RNF212: variants seen among roughly 807,000 people sequenced by gnomAD.
The protein encoded by RNF212 is probable E3 SUMO-protein ligase RNF212.
RNF212 carries 33 observed loss-of-function variants against 34.7 expected under a neutral mutation model. The ratio of observed to expected loss-of-function variants is 0.95; its 90% CI spans 0.72 to 1.27. The LOEUF (loss-of-function observed/expected upper bound fraction) is 1.27, where lower values mean the gene tolerates loss of function less well. Among genes scored for constraint, RNF212 ranks in the 50% most tolerant of loss-of-function variants. The probability of loss-of-function intolerance (pLI) is 0.00; values close to 1 mark genes in which losing one functional copy is unlikely to be tolerated. For missense variants in RNF212, 377 were observed against 362.2 expected, an observed-to-expected ratio of 1.04 and a Z score of -0.33; for synonymous variants, 140 against 136.1, an observed-to-expected ratio of 1.03 and a Z score of -0.20.
intron 8 of RNF212, among the ~76,000 whole-genome samples, chr4:1,079,043 T>C (rs111240158): frequency 0.017 from 567 of 32,850 alleles, no homozygotes; most frequent in Middle Eastern, 0.023. Context: ...GGGACCAACA[T>C]AGAGTCAACA....
chr4:1,059,443 G>T (rs1314262709), intron 3 of RNF212, among the ~76,000 whole-genome samples: 2 of 152,220 alleles, frequency 1.3e-5, no homozygotes, highest in Non-Finnish European at 2.9e-5. Context: ...GCCCTCCTAG[G>T]GACAGCCAGT....
chr4:1,096,517 C>T, intron 3 of RNF212: 1 of 437,812 alleles, frequency 2.3e-6, no homozygotes, highest in Non-Finnish European at 4.1e-6. Context: ...AGCACACCCC[C>T]CACAGCTCCA....
chr4:1,093,618 G>GCTGGGTCTTCTCTC, intron 3 of RNF212: 2 of 1,535,896 alleles, frequency 1.3e-6, no homozygotes. Flanking sequence ...GGCCGGGTCT[G>GCTGGGTCTTCTCTC]CTGGGTCTTC....
At chr4:1,080,410 T>G (rs573589394) in intron 7 of RNF212, among the ~76,000 whole-genome samples, 1 of 152,284 alleles carries the variant, frequency 6.6e-6, no homozygotes, top group South Asian at 2.1e-4. Flanking sequence ...TTTCCAGTTC[T>G]CCACCCGCTC....
At chr4:1,074,004 C>A (rs368602483) in intron 8 of RNF212, among the ~76,000 whole-genome samples, 1 of 152,180 alleles carries the variant, frequency 6.6e-6, no homozygotes, top group African/African-American at 2.4e-5. Context: ...CTGAGTAAAT[C>A]ATTCTTGGGT....
rs1718628828 is a variant in RNF212 at position 1,072,635 on chromosome 4, G to A, written c.*239C>T. The A allele has an allele frequency of 9.2e-7, 1 of 1,086,228 alleles. No homozygotes were observed. Among genetic ancestry groups the A allele is most frequent in the Non-Finnish European group, 1.2e-6 (1 of 869,030 alleles). The allele number at this position is 1,086,228 out of a possible 1,614,324, so 67.3% of individuals were successfully genotyped here. A position where few individuals can be genotyped will look rare whatever the true frequency, so the allele number is the denominator to read the frequency against. ...AGTATGTGAAAAAAAAACTCCCTAA[G>A]CATGAGAACCTATAAAATAAAAGGG... is the stretch of plus-strand genomic sequence containing the variant. On this transcript the variant is annotated 3_prime_UTR_variant, in exon 10 of 10. Coordinates refer to ENST00000433731, the MANE Select transcript of RNF212 (RefSeq NM_001131034.4).
intron 2 of RNF212, among the ~76,000 whole-genome samples, chr4:1,103,574 A>G (rs919974647): frequency 6.6e-6 from 1 of 152,146 alleles, no homozygotes; most frequent in Non-Finnish European, 1.5e-5. Context: ...TGTTCCTAGA[A>G]TCTAACGTGG....
chr4:1,067,577 A>G (rs1718170068), downstream of RNF212, among the ~76,000 whole-genome samples: 1 of 152,216 alleles, frequency 6.6e-6, no homozygotes. Flanking sequence ...ATAATGAAAT[A>G]CCTAGGGCCG....
intron 2 of RNF212, among the ~76,000 whole-genome samples, chr4:1,097,256 G>A (rs1047627364): frequency 6.6e-6 from 1 of 152,146 alleles, no homozygotes; most frequent in Admixed American, 6.6e-5. Context: ...AGTACATGTC[G>A]AGTTATTTAA....
At chr4:1,098,125 G>C (rs1428511947) in intron 2 of RNF212, among the ~76,000 whole-genome samples, 1 of 152,084 alleles carries the variant, frequency 6.6e-6, no homozygotes, top group Non-Finnish European at 1.5e-5. Context: ...ACACCAGAAT[G>C]ACAAGATGTA....
chr4:1,057,734 A>T (rs1717429318), intron 4 of RNF212, among the ~76,000 whole-genome samples: 2 of 151,662 alleles, frequency 1.3e-5, no homozygotes, highest in African/African-American at 4.8e-5. Context: ...GTTTTTAGCA[A>T]CAGGGCAAAT....
At chr4:1,056,802 A>G (rs941281648) in intron 4 of RNF212, 29 of 982,064 alleles carry the variant, frequency 3.0e-5, no homozygotes, top group Non-Finnish European at 3.5e-5. Context: ...CACTTTCCCA[A>G]GAGCATTTTC....
At chr4:1,079,305 C>G (rs971318352) in intron 8 of RNF212, among the ~76,000 whole-genome samples, 1 of 152,218 alleles carries the variant, frequency 6.6e-6, no homozygotes, top group Non-Finnish European at 1.5e-5. Flanking sequence ...ATGGGACCAA[C>G]ATAGATTCAA....
intron 8 of RNF212, among the ~76,000 whole-genome samples, chr4:1,077,473 T>G (rs1263479145): frequency 6.6e-6 from 1 of 152,172 alleles, no homozygotes; most frequent in African/African-American, 2.4e-5. Context: ...GCTCAAGTGA[T>G]CCACCTGCCT....
chr4:1,069,432 A>G (rs764974133), downstream of RNF212, among the ~76,000 whole-genome samples: 9 of 152,218 alleles, frequency 5.9e-5, no homozygotes, highest in Non-Finnish European at 7.3e-5. Flanking sequence ...CATTTGGACT[A>G]TCTCTCCACA....
intron 1 of RNF212, among the ~76,000 whole-genome samples, chr4:1,110,830 T>C (rs1725544798): frequency 6.6e-6 from 1 of 152,134 alleles, no homozygotes; most frequent in Admixed American, 6.5e-5. Flanking sequence ...GTCTTTGGAT[T>C]TGGTGTGGTC....
intron 3 of RNF212, 37 bp from the exon 4 acceptor site, chr4:1,090,875 C>A (rs1303729816): frequency 1.5e-6 from 2 of 1,368,204 alleles, no homozygotes; most frequent in Admixed American, 3.4e-5. Context: ...TGACACAGAT[C>A]CACGGTCTCT....
Position 1,073,639 on chromosome 4 carries a change from C to T in RNF212, c.534G>A (p.Ala178=), listed in dbSNP as rs141381105. Residue 178 remains alanine (A), a synonymous_variant, in exon 9 of 10, where the codon GCG becomes GCA. Transcript: ENST00000433731. ...GAGGTGGACTAATCATGGAGATTCTCGCAGGGCCGGCTGCTATCTCAGACT... is the reference window on the plus strand; with the variant it reads ...GAGGTGGACTAATCATGGAGATTCTTGCAGGGCCGGCTGCTATCTCAGACT... ...IRKSEIAAGP[A]RISMISPPQD... 422 of 1,612,618 alleles carry T rather than the reference C, an allele frequency of 2.6e-4. No homozygotes were observed. The highest frequency in any genetic ancestry group is 8.3e-4 in the Middle Eastern group (5 of 6,060).
At chr4:1,081,669 C>G (rs1720373745) in intron 5 of RNF212, 50 bp from the exon 6 acceptor site, 1 of 1,311,160 alleles carries the variant, frequency 7.6e-7, no homozygotes, top group Non-Finnish European at 1.1e-6. Flanking sequence ...AACTGACTTC[C>G]CCCCAGGTCA....
Sources: gnomAD v4.1 joint callset for allele counts (sites outside exome capture counted in the v4.1 genomes callset) on GRCh38, gnomAD v4.1.1 for gene constraint, MANE v1.5 for transcripts, NCBI Gene and HGNC (gene_info 2026-07-23, HGNC 2026-07-21) for gene names.